PIGN: variants seen among roughly 807,000 people sequenced by gnomAD.
PIGN encodes phosphatidylinositol glycan anchor biosynthesis class N.
Under a neutral mutation model 125.4 loss-of-function variants are expected in PIGN, and 117 were observed. The ratio of observed to expected loss-of-function variants is 0.93; its 90% CI spans 0.80 to 1.09. PIGN has a LOEUF of 1.09. PIGN is among the 50% of genes least tolerant of loss of function. PIGN has a pLI of 0.00. For missense variants in PIGN, 1,075 were observed against 1,094.9 expected (o/e 0.98, Z 0.26); for synonymous variants, 392 against 377.8 (o/e 1.04, Z -0.44).
downstream of PIGN, among the ~76,000 whole-genome samples, chr18:62,036,660 TG>T (rs1198693060): frequency 2.0e-5 from 3 of 152,234 alleles, no homozygotes; most frequent in Non-Finnish European, 2.9e-5. Context: ...TGGTTCTCAA[TG>T]GCCATATTAT....
At chr18:62,085,287 C>T (rs1568157910) in intron 25 of PIGN, 23 bp from the exon 26 acceptor site, 1 of 1,482,346 alleles carries the variant, frequency 6.7e-7, no homozygotes, top group Non-Finnish European at 9.2e-7. Flanking sequence ...AAGGAAATGG[C>T]AAAACAACTC....
rs1599653706 is a variant in PIGN at position 62,157,194 on chromosome 18, A to G, written c.377T>C (p.Leu126Pro). 1 of 1,608,632 alleles carries G rather than the reference A, an allele frequency of 6.2e-7. No individual in the cohort carries two copies. Among genetic ancestry groups the G allele is most frequent in the Non-Finnish European group, 8.5e-7 (1 of 1,176,510 alleles). The change falls in exon 6 of 31, where the codon CTT (leucine) becomes CCT (proline). Residue 126 changes from leucine to proline, a missense_variant. Physicochemically the swap from Leu to Pro is moderately conservative, Grantham distance 98 (BLOSUM62 -3). Around this residue, in one of 3 missense-constraint regions of PIGN, gnomAD observed 152 missense variants for 162.9 expected, o/e 0.93. Transcript: ENST00000640252. The part of the protein sequence containing the change: ...WKENPVEFDS[L>P]FNESKYTWSW... ...CCATGTGTATTTACTTTCATTAAAA[A>G]GAGAATCAAACTCTACAGGATTTTC...
chr18:62,086,893 CA>C (rs2033732140), intron 25 of PIGN, among the ~76,000 whole-genome samples: 1 of 69,116 alleles, frequency 1.4e-5, no homozygotes, highest in Non-Finnish European at 3.4e-5. Flanking sequence ...TTAAATATGA[CA>C]ACAAGTTGGA....
intron 12 of PIGN, among the ~76,000 whole-genome samples, chr18:62,140,147 T>C (rs1162321911): frequency 6.6e-6 from 1 of 152,090 alleles, no homozygotes; most frequent in East Asian, 1.9e-4. Context: ...ATTGCATATT[T>C]AGAAATAAAT....
chr18:62,122,002 G>A (rs1316787966), intron 14 of PIGN, among the ~76,000 whole-genome samples: 1 of 152,100 alleles, frequency 6.6e-6, no homozygotes, highest in Non-Finnish European at 1.5e-5. Flanking sequence ...AGTACACAGG[G>A]AGTAGAGAGT....
intron 30 of PIGN, among the ~76,000 whole-genome samples, chr18:62,072,070 ATGTG>A (rs1190331559): frequency 2.0e-5 from 3 of 148,132 alleles, no homozygotes; most frequent in Non-Finnish European, 3.0e-5. Flanking sequence ...GCCTAGGTGA[ATGTG>A]TGTGTGTGTG....
At position 62,095,834 on chromosome 18, in the gene PIGN, TA is replaced by T. The variant is rs1364863304; in HGVS notation, c.2180+13del. On this transcript the variant is annotated intron_variant, in intron 23 of 30. Transcript: ENST00000640252. ...ACTTGCTGCTATAAAATTAAATTGT[TA>T]AAAAGTTTATACCCTGTGCTTAGAA... The T allele has an allele frequency of 2.0e-6, 3 of 1,464,366 alleles. No individual in the cohort carries two copies. The highest frequency in any genetic ancestry group is 1.4e-5 in the African/African-American group (1 of 71,976). The allele number at this position is 1,464,366 out of a possible 1,614,324, so 90.7% of individuals were successfully genotyped here. A position where few individuals can be genotyped will look rare whatever the true frequency, so the allele number is the denominator to read the frequency against.
chr18:62,067,671 G>A (rs768364849), intron 30 of PIGN, among the ~76,000 whole-genome samples: 4 of 152,100 alleles, frequency 2.6e-5, no homozygotes, highest in African/African-American at 7.2e-5. Context: ...CTTTTTATAG[G>A]TAAGTAATAT....
In PIGN at chr18:62,160,664, C is replaced by A. The variant is rs564503167; in HGVS notation, c.221+469G>T. Among the ~76,000 whole-genome samples, 7 of 152,052 alleles carry A rather than the reference C, an allele frequency of 4.6e-5. No individual in the cohort carries two copies. In the South Asian group the frequency reaches 1.5e-3, roughly 32 times the overall value. On this transcript the variant is annotated intron_variant, in intron 4 of 30. Transcript: ENST00000640252. ...CTAGGATTACAGGCATGTGCCACCA[C>A]CCCCAGCTAATTTTTTGTATTTTTA...
At chr18:62,091,421 G>A (rs2033952840) in intron 23 of PIGN, among the ~76,000 whole-genome samples, 1 of 152,094 alleles carries the variant, frequency 6.6e-6, no homozygotes, top group Non-Finnish European at 1.5e-5. Context: ...TACACTTTCT[G>A]GAAGACCATC....
Position 62,106,877 on chromosome 18 carries a change from A to G in PIGN, c.1679T>C (p.Leu560Pro). The G allele has an allele frequency of 6.2e-7, 1 of 1,605,420 alleles. No homozygotes were observed. Residue 560 changes from leucine to proline, a missense_variant, in exon 19 of 31, where the codon CTC (leucine) becomes CCC (proline). Coordinates refer to ENST00000640252, the MANE Select transcript of PIGN (RefSeq NM_176787.5). ...AAGCATATAGCGGTAGAAAAAACTG[A>G]GAACCTAGTAATGCATTCCAAAGAA... The part of the protein sequence containing the change: ...AFTLGIEVLV[L>P]SFFYRYMLTA...
chr18:62,087,990 G>A (rs927873076), intron 25 of PIGN, among the ~76,000 whole-genome samples: 10 of 152,092 alleles, frequency 6.6e-5, no homozygotes, highest in Admixed American at 3.9e-4. Context: ...CTTGAAATGC[G>A]CTAAGAGAGC....
chr18:62,096,507 A>C (rs1439431962), intron 22 of PIGN, among the ~76,000 whole-genome samples: 1 of 127,398 alleles, frequency 7.8e-6, no homozygotes, highest in African/African-American at 3.2e-5. Flanking sequence ...CTCAAAAATG[A>C]ATTATTTTCT....
At chr18:62,124,844 G>A (rs1023256422) in intron 14 of PIGN, among the ~76,000 whole-genome samples, 1 of 151,990 alleles carries the variant, frequency 6.6e-6, no homozygotes, top group African/African-American at 2.4e-5. Context: ...CTCATTATGT[G>A]CCTTTATGTA....
chr18:62,114,441 T>C, intron 15 of PIGN, 120 bp downstream of exon 15: 2 of 645,750 alleles, frequency 3.1e-6, no homozygotes, highest in Non-Finnish European at 5.6e-6. Context: ...ACTCAGGAAA[T>C]GCAATCCTTC....
intron 23 of PIGN, among the ~76,000 whole-genome samples, chr18:62,022,747 A>G (rs1289824474): frequency 1.3e-5 from 2 of 152,242 alleles, no homozygotes; most frequent in Non-Finnish European, 2.9e-5. Flanking sequence ...TTATTGATAT[A>G]TAATTCACAT....
chr18:62,095,563 A>G (rs755081974), intron 23 of PIGN, among the ~76,000 whole-genome samples: 17 of 152,206 alleles, frequency 1.1e-4, no homozygotes, highest in Non-Finnish European at 2.2e-4. Flanking sequence ...AAATTCTTCC[A>G]CAATCAGAAT....
chr18:62,183,590 T>C (rs1375282448), intron 1 of PIGN, among the ~76,000 whole-genome samples: 2 of 152,210 alleles, frequency 1.3e-5, no homozygotes, highest in African/African-American at 4.8e-5. Flanking sequence ...AGTTTGTAAT[T>C]ACATAGCTTT....
chr18:62,057,412 A>G (rs12956510), intron 30 of PIGN, among the ~76,000 whole-genome samples: 34,963 of 152,096 alleles, frequency 0.23, 4,195 homozygotes, highest in Non-Finnish European at 0.27. Context: ...TTCTCCCAGT[A>G]TATTAGTCTA....
Sources: allele counts gnomAD v4.1 joint callset (sites outside exome capture counted in the v4.1 genomes callset), GRCh38; gene constraint gnomAD v4.1.1; regional missense constraint gnomAD v4.1.1; transcripts MANE v1.5; gene names NCBI Gene and HGNC (gene_info 2026-07-23, HGNC 2026-07-21).